The following OCA2 variants were observed in gnomAD, a reference collection of about 807,000 sequenced individuals.
OCA2 encodes OCA2 melanosomal transmembrane protein.
A neutral mutation model predicts 100.2 loss-of-function variants in OCA2; 77 were observed. The observed-to-expected ratio is 0.77, with a 90% CI of 0.64 to 0.93. The LOEUF (loss-of-function observed/expected upper bound fraction) is 0.93, where lower values mean the gene tolerates loss of function less well. Among genes scored for constraint, OCA2 ranks in the 40% least tolerant of loss-of-function variants. The pLI is 0.00. For synonymous variants in OCA2, 432 were observed against 439.2 expected, an observed-to-expected ratio of 0.98 and a Z score of 0.21; for missense variants, 1,062 against 1,089.1, an observed-to-expected ratio of 0.98 and a Z score of 0.35.
intron 2 of OCA2, among the ~76,000 whole-genome samples, chr15:28,034,974 G>T (rs894090146): frequency 5.9e-5 from 9 of 152,192 alleles, no homozygotes; most frequent in Admixed American, 3.3e-4. Flanking sequence ...GTGCTCAGGA[G>T]AGTGCCCAGG....
intron 18 of OCA2, among the ~76,000 whole-genome samples, chr15:27,933,680 C>G (rs974973401): frequency 3.3e-5 from 5 of 152,154 alleles, no homozygotes; most frequent in Non-Finnish European, 7.4e-5. Context: ...AACGTGCATG[C>G]TGGAGAGAAC....
intron 15 of OCA2, among the ~76,000 whole-genome samples, chr15:27,959,906 T>C (rs1303340040): frequency 1.3e-5 from 2 of 152,196 alleles, no homozygotes; most frequent in Non-Finnish European, 2.9e-5. Flanking sequence ...TGGAATGTAA[T>C]ATACAAATTA....
At chr15:28,018,133 A>G (rs561641153) in intron 7 of OCA2, among the ~76,000 whole-genome samples, 1 of 152,072 alleles carries the variant, frequency 6.6e-6, no homozygotes, top group East Asian at 1.9e-4. Flanking sequence ...TTTCAAATGT[A>G]TGTTTCCTGA....
intron 2 of OCA2, among the ~76,000 whole-genome samples, chr15:28,044,875 A>G (rs1038335283): frequency 6.6e-5 from 10 of 151,838 alleles, no homozygotes; most frequent in African/African-American, 2.2e-4. Context: ...GTCTTTTTTC[A>G]TTTTTGTATT....
At chr15:27,941,596 G>A (rs1196305365) in intron 18 of OCA2, among the ~76,000 whole-genome samples, 2 of 152,148 alleles carry the variant, frequency 1.3e-5, no homozygotes, top group African/African-American at 4.8e-5. Context: ...CGCAACCAAC[G>A]ATGAATCCCC....
chr15:28,023,552 G>A (rs985964304), intron 5 of OCA2, among the ~76,000 whole-genome samples: 5 of 151,582 alleles, frequency 3.3e-5, no homozygotes, highest in Admixed American at 1.3e-4. Context: ...ACCAGGGCAG[G>A]CTGCGTGGGA....
At chr15:28,080,014 C>T (rs1192805737) in intron 2 of OCA2, among the ~76,000 whole-genome samples, 1 of 152,220 alleles carries the variant, frequency 6.6e-6, no homozygotes, top group Non-Finnish European at 1.5e-5. Flanking sequence ...GGAACATATG[C>T]AACATATGCT....
At chr15:27,851,550 A>C in intron 21 of OCA2, 75 bp from the exon 22 acceptor site, 1 of 1,155,660 alleles carries the variant, frequency 8.7e-7, no homozygotes, top group Non-Finnish European at 1.3e-6. Context: ...CCAATTTAGA[A>C]AATCCAAATG....
Position 27,766,971 on chromosome 15 carries a change from C to T in OCA2, c.2433-11499G>A, listed in dbSNP as rs527799936. ...TGTATGAAATCCTCAATAAACCTTA[C>T]GTCTCCTTCCCTGGCCCCTTCTTCG... On this transcript the variant is annotated intron_variant, in intron 23 of 23. Coordinates refer to ENST00000354638, the MANE Select transcript of OCA2 (RefSeq NM_000275.3). Among the ~76,000 whole-genome samples the T allele has an allele frequency of 1.1e-3, 175 of 152,324 alleles. 1 individual carries two copies. Among genetic ancestry groups the T allele is most frequent in the African/African-American group, 3.9e-3 (163 of 41,582 alleles).
At chr15:27,884,314 G>T (rs2037139385) in intron 19 of OCA2, among the ~76,000 whole-genome samples, 1 of 152,224 alleles carries the variant, frequency 6.6e-6, no homozygotes, top group South Asian at 2.1e-4. Context: ...AGTAGAGGTT[G>T]CAGTGAACCG....
intron 19 of OCA2, among the ~76,000 whole-genome samples, chr15:27,873,947 T>G (rs2036686181): frequency 6.6e-6 from 1 of 152,234 alleles, no homozygotes; most frequent in Admixed American, 6.5e-5. Flanking sequence ...ACTTGTCTCC[T>G]TCATCAGCTT....
intron 3 of OCA2, among the ~76,000 whole-genome samples, chr15:28,030,863 TA>T (rs1472772075): frequency 3.9e-4 from 60 of 152,376 alleles, no homozygotes; most frequent in African/African-American, 1.3e-3. Flanking sequence ...AAGAGTCACA[TA>T]AAAGGCAGCT....
chr15:28,094,566 GA>G (rs113298353), intron 1 of OCA2, among the ~76,000 whole-genome samples: 17 of 150,280 alleles, frequency 1.1e-4, no homozygotes, highest in Admixed American at 2.0e-4. Context: ...CTTATTTTTA[GA>G]AAAAAAAAAT....
chr15:27,737,618 C>T, the OCA2 span, among the ~76,000 whole-genome samples: 1 of 152,170 alleles, frequency 6.6e-6, no homozygotes, highest in East Asian at 1.9e-4. Context: ...TGGAGCTAAA[C>T]ATAAAAGGCA....
chr15:28,057,390 T>C (rs980833927), intron 2 of OCA2, among the ~76,000 whole-genome samples: 2 of 152,112 alleles, frequency 1.3e-5, no homozygotes, highest in Non-Finnish European at 2.9e-5. Flanking sequence ...CTCAACATAA[T>C]AGCAGCTCTC....
rs1259541703 is a variant in OCA2, at chr15:27,957,351, A to G, written c.1784+237T>C. Among the ~76,000 whole-genome samples the G allele has an allele frequency of 6.6e-6, 1 of 152,176 alleles. No individual in the cohort carries two copies. Among genetic ancestry groups the G allele is most frequent in the East Asian group, 1.9e-4 (1 of 5,182 alleles). Reference sequence around the variant, plus strand: ...CCTTCCGAGCTGCACAACCCTGGGCACGCCGCTCAAATTCTCTGAGCCTCT... The same window carrying G: ...CCTTCCGAGCTGCACAACCCTGGGCGCGCCGCTCAAATTCTCTGAGCCTCT... On this transcript the variant is annotated intron_variant, in intron 16 of 23. Transcript: ENST00000354638. This position sits in a 1 kb window ranked among gnomAD's most constrained non-coding sequence, Gnocchi z 4.3.
At chr15:28,058,693 T>C (rs1045355945) in intron 2 of OCA2, among the ~76,000 whole-genome samples, 3 of 152,230 alleles carry the variant, frequency 2.0e-5, no homozygotes, top group Non-Finnish European at 4.4e-5. Flanking sequence ...CTCTTTTGTA[T>C]AAATAGTAAT....
chr15:28,033,912 G>C (rs1566823640), intron 2 of OCA2, among the ~76,000 whole-genome samples: 1 of 152,142 alleles, frequency 6.6e-6, no homozygotes, highest in Non-Finnish European at 1.5e-5. Flanking sequence ...TCCCTGGGGT[G>C]GTCTAGGGGA....
intron 23 of OCA2, among the ~76,000 whole-genome samples, chr15:27,800,208 G>A (rs908917859): frequency 1.1e-4 from 16 of 152,184 alleles, no homozygotes; most frequent in East Asian, 3.9e-4. Context: ...GTACTAAAGC[G>A]TTGCCGAGGT....
Sources: gnomAD v4.1 joint callset for allele counts (sites outside exome capture counted in the v4.1 genomes callset) on GRCh38, gnomAD v4.1.1 for gene constraint, Gnocchi (gnomAD v3.1) non-coding constraint, MANE v1.5 for transcripts, NCBI Gene and HGNC (gene_info 2026-07-23, HGNC 2026-07-21) for gene names.